HYCC2: variants seen among roughly 807,000 people sequenced by gnomAD.
The protein encoded by HYCC2 is hyccin PI4KA lipid kinase complex subunit 2.
the HYCC2 span, chr2:201,022,701 G>C: frequency 1.8e-6 from 1 of 546,490 alleles, no homozygotes; most frequent in Non-Finnish European, 3.1e-6. Flanking sequence ...GCAACTATCA[G>C]AATGAAAAAC....
At chr2:200,974,455 A>C in the HYCC2 span, 1 of 152,060 alleles carries the variant, frequency 6.6e-6, no homozygotes, top group Non-Finnish European at 1.5e-5. Context: ...GTAAAGCCAG[A>C]ATAATTTTAG....
At chr2:201,028,058 G>T in the HYCC2 span, among the ~76,000 whole-genome samples, 12 of 152,252 alleles carry the variant, frequency 7.9e-5, no homozygotes, top group African/African-American at 2.9e-4. Flanking sequence ...TGTATATCTA[G>T]AAAACCCCAT....
chr2:201,006,429 C>T, the HYCC2 span, among the ~76,000 whole-genome samples: 3 of 151,904 alleles, frequency 2.0e-5, no homozygotes, highest in African/African-American at 4.8e-5. Context: ...GCATGAGCCG[C>T]ACCTGGCGAG....
chr2:200,981,216 CAATGAAATG>C, the HYCC2 span: 1 of 1,568,670 alleles, frequency 6.4e-7, no homozygotes, highest in Non-Finnish European at 8.7e-7. The surrounding 1 kb of genome is among the most constrained non-coding windows in gnomAD (Gnocchi z 4.5). Context: ...TCTTCTTGCA[CAATGAAATG>C]TTCAGTTTAA....
chr2:201,045,746 T>A, the HYCC2 span, among the ~76,000 whole-genome samples: 2 of 152,198 alleles, frequency 1.3e-5, no homozygotes, highest in East Asian at 3.8e-4. Context: ...ACTAGCATAC[T>A]TGTATACCTT....
At chr2:200,998,045 A>G in the HYCC2 span, among the ~76,000 whole-genome samples, 1 of 152,184 alleles carries the variant, frequency 6.6e-6, no homozygotes, top group African/African-American at 2.4e-5. Flanking sequence ...CAAAAAATCA[A>G]TCAATCAATC....
the HYCC2 span, among the ~76,000 whole-genome samples, chr2:201,048,778 A>T: frequency 6.6e-6 from 1 of 152,132 alleles, no homozygotes; most frequent in Admixed American, 6.6e-5. Context: ...TAATGAAGGG[A>T]TCAATCCAAC....
the HYCC2 span, among the ~76,000 whole-genome samples, chr2:201,051,610 T>C: frequency 6.6e-6 from 1 of 152,110 alleles, no homozygotes; most frequent in Non-Finnish European, 1.5e-5. Context: ...TAGAAATAAA[T>C]CTAACAAAAG....
the HYCC2 span, among the ~76,000 whole-genome samples, chr2:200,985,661 C>CA: frequency 2.1e-4 from 32 of 151,638 alleles, no homozygotes; most frequent in Admixed American, 1.2e-3. Flanking sequence ...GATCCTGCCT[C>CA]AAAAAAATAA....
chr2:200,981,159 GAAAT>G, the HYCC2 span: 1 of 1,300,794 alleles, frequency 7.7e-7, no homozygotes, highest in African/African-American at 1.5e-5. This position sits in a 1 kb window ranked among gnomAD's most constrained non-coding sequence, Gnocchi z 4.5. Context: ...TAAACTAAAT[GAAAT>G]CTGATAACAG....
the HYCC2 span, among the ~76,000 whole-genome samples, chr2:201,027,620 T>A: frequency 6.6e-6 from 1 of 151,892 alleles, no homozygotes; most frequent in Non-Finnish European, 1.5e-5. Flanking sequence ...TCCACCAAGA[T>A]CAAGTCAGCT....
chr2:201,025,555 T>A, the HYCC2 span, among the ~76,000 whole-genome samples: 1 of 151,968 alleles, frequency 6.6e-6, no homozygotes, highest in Admixed American at 6.6e-5. Context: ...TTCTCTGAGG[T>A]GCTGCTTAAG....
chr2:201,001,416 A>C, the HYCC2 span, among the ~76,000 whole-genome samples: 1 of 152,226 alleles, frequency 6.6e-6, no homozygotes, highest in Non-Finnish European at 1.5e-5. Context: ...ACAGCCAAAA[A>C]AGAAAAAATA....
At chr2:201,062,537 G>C in the HYCC2 span, among the ~76,000 whole-genome samples, 1 of 151,726 alleles carries the variant, frequency 6.6e-6, no homozygotes, top group Admixed American at 6.6e-5. Context: ...TGTAGTCCCA[G>C]CTACTTGGGA....
At chr2:201,026,636 A>C in the HYCC2 span, among the ~76,000 whole-genome samples, 2 of 152,356 alleles carry the variant, frequency 1.3e-5, no homozygotes, top group Non-Finnish European at 2.9e-5. Flanking sequence ...AGTGCAATCA[A>C]ATTAGAACTC....
chr2:200,982,110 T>C, the HYCC2 span, among the ~76,000 whole-genome samples: 1 of 151,898 alleles, frequency 6.6e-6, no homozygotes, highest in African/African-American at 2.4e-5. Context: ...CACAAACATA[T>C]CTAGTATACT....
chr2:201,028,076 G>C, the HYCC2 span, among the ~76,000 whole-genome samples: 508 of 152,232 alleles, frequency 3.3e-3, 1 homozygote, highest in African/African-American at 0.011. Context: ...CATCATCTCA[G>C]CCCAAAAATC....
chr2:201,038,037 A>T, the HYCC2 span, among the ~76,000 whole-genome samples: 3 of 152,214 alleles, frequency 2.0e-5, no homozygotes, highest in Non-Finnish European at 4.4e-5. Context: ...AACTCAAACA[A>T]ATTTACAAGA....
At chr2:201,047,796 C>G in the HYCC2 span, among the ~76,000 whole-genome samples, 1 of 131,128 alleles carries the variant, frequency 7.6e-6, no homozygotes. Flanking sequence ...TAGAATAACA[C>G]TGTTAAAGGG....
Sources: gnomAD v4.1 joint callset for allele counts (sites outside exome capture counted in the v4.1 genomes callset) on GRCh38, gnomAD v4.1.1 for gene constraint, Gnocchi (gnomAD v3.1) non-coding constraint, MANE v1.5 for transcripts, NCBI Gene and HGNC (gene_info 2026-07-23, HGNC 2026-07-21) for gene names.